Variants in CADM2 observed in about 807,000 individuals in gnomAD.
The protein encoded by CADM2 is immunoglobulin superfamily member 4D.
A neutral mutation model predicts 49.8 loss-of-function variants in CADM2; 12 were observed. That is an observed-to-expected ratio of 0.24 (90% confidence interval 0.15 to 0.39). CADM2 has a LOEUF of 0.39. Among genes scored for constraint, CADM2 ranks in the 10% least tolerant of loss-of-function variants. The pLI is 1.00. For synonymous variants in CADM2, 214 were observed against 175.4 expected (o/e 1.22, Z -1.74); for missense variants, 378 against 492.3 (o/e 0.77, Z 2.20).
chr3:85,619,730 A>T (rs562919813), intron 1 of CADM2, among the ~76,000 whole-genome samples: 1 of 152,034 alleles, frequency 6.6e-6, no homozygotes, highest in Non-Finnish European at 1.5e-5. Flanking sequence ...TCAAGAGGAG[A>T]CTCTTAAAAT....
chr3:85,979,039 A>G (rs748268363), intron 8 of CADM2: 6 of 1,028,496 alleles, frequency 5.8e-6, no homozygotes, highest in Non-Finnish European at 8.4e-6. Context: ...TTTGTACCTG[A>G]TATTCTGTTA....
intron 1 of CADM2, among the ~76,000 whole-genome samples, chr3:85,437,825 A>G (rs1030505359): frequency 6.6e-6 from 1 of 151,956 alleles, no homozygotes; most frequent in Non-Finnish European, 1.5e-5. Flanking sequence ...AACTCATAGA[A>G]ATCTTTCCTT....
chr3:85,931,908 TATTA>T (rs1442303801), intron 6 of CADM2, among the ~76,000 whole-genome samples: 6 of 151,232 alleles, frequency 4.0e-5, no homozygotes, highest in Admixed American at 2.0e-4. Flanking sequence ...ATTTTAAATT[TATTA>T]ATTATTAAAA....
At chr3:85,978,321 A>T (rs905788602) in intron 8 of CADM2, among the ~76,000 whole-genome samples, 3 of 151,426 alleles carry the variant, frequency 2.0e-5, no homozygotes, top group Non-Finnish European at 4.4e-5. Flanking sequence ...TCTGGGTTTT[A>T]TTTTTTCTGT....
intron 1 of CADM2, among the ~76,000 whole-genome samples, chr3:85,569,323 A>G (rs1317961500): frequency 6.7e-6 from 1 of 148,866 alleles, no homozygotes; most frequent in Non-Finnish European, 1.5e-5. Context: ...TGGTAAGACT[A>G]TCCTATATTA....
intron 1 of CADM2, among the ~76,000 whole-genome samples, chr3:85,583,210 T>C (rs2107305578): frequency 6.6e-6 from 1 of 152,266 alleles, no homozygotes; most frequent in Admixed American, 6.5e-5. Flanking sequence ...CTGAGATGTG[T>C]ATGGCTTTGT....
chr3:85,883,917 T>C (rs1268517724), intron 4 of CADM2, among the ~76,000 whole-genome samples: 1 of 152,210 alleles, frequency 6.6e-6, no homozygotes, highest in African/African-American at 2.4e-5. Flanking sequence ...GTGTATTTAG[T>C]GCATTTAAAT....
At chr3:85,080,461 T>C (rs1379257965) in intron 1 of CADM2, among the ~76,000 whole-genome samples, 1 of 152,038 alleles carries the variant, frequency 6.6e-6, no homozygotes, top group East Asian at 1.9e-4. Flanking sequence ...ATTCCTTCAA[T>C]TGTCATAGAC....
At chr3:85,428,858 T>A (rs1423857415) in intron 1 of CADM2, among the ~76,000 whole-genome samples, 1 of 151,552 alleles carries the variant, frequency 6.6e-6, no homozygotes, top group Non-Finnish European at 1.5e-5. Context: ...TTACTTAGGT[T>A]ATTGATAGTA....
At chr3:85,220,997 A>C (rs556496259) in intron 1 of CADM2, among the ~76,000 whole-genome samples, 1 of 152,298 alleles carries the variant, frequency 6.6e-6, no homozygotes, top group South Asian at 2.1e-4. Context: ...AGATGTCTTT[A>C]AGAGTGGATG....
intron 1 of CADM2, among the ~76,000 whole-genome samples, chr3:85,628,174 T>C (rs1292482067): frequency 1.3e-5 from 2 of 152,060 alleles, no homozygotes; most frequent in Non-Finnish European, 2.9e-5. Flanking sequence ...GAATAGTTTG[T>C]AACTTGGAAA....
chr3:85,013,482 A>T (rs138671064), intron 1 of CADM2, among the ~76,000 whole-genome samples: 1 of 152,046 alleles, frequency 6.6e-6, no homozygotes, highest in African/African-American at 2.4e-5. Flanking sequence ...GGAGAAATCA[A>T]ATCTTTAGAG....
At chr3:85,955,646 C>G (rs1723963275) in intron 7 of CADM2, among the ~76,000 whole-genome samples, 1 of 151,390 alleles carries the variant, frequency 6.6e-6, no homozygotes, top group South Asian at 2.1e-4. Flanking sequence ...AAGAATTTCA[C>G]TGAAAATTAG....
chr3:85,757,208 C>CA (rs2107886093), intron 2 of CADM2, among the ~76,000 whole-genome samples: 1 of 152,128 alleles, frequency 6.6e-6, no homozygotes, highest in South Asian at 2.1e-4. Flanking sequence ...TTAACATTTG[C>CA]AATGATATTA....
intron 1 of CADM2, among the ~76,000 whole-genome samples, chr3:85,310,024 A>T (rs566222636): frequency 6.6e-6 from 1 of 152,210 alleles, no homozygotes; most frequent in African/African-American, 2.4e-5. Context: ...AGCTAAATTT[A>T]ATGATTTTGG....
intron 1 of CADM2, among the ~76,000 whole-genome samples, chr3:85,098,850 G>C (rs1397806097): frequency 6.6e-6 from 1 of 152,176 alleles, no homozygotes; most frequent in African/African-American, 2.4e-5. Flanking sequence ...GAGCCATGCA[G>C]TTCAAACCTG....
intron 1 of CADM2, among the ~76,000 whole-genome samples, chr3:85,300,018 T>C (rs2044056112): frequency 6.6e-6 from 1 of 152,120 alleles, no homozygotes; most frequent in African/African-American, 2.4e-5. Context: ...CTAAAAATTG[T>C]TATTATTTAC....
chr3:85,102,826 C>T (rs1347517446), intron 1 of CADM2, among the ~76,000 whole-genome samples: 1 of 152,026 alleles, frequency 6.6e-6, no homozygotes, highest in Non-Finnish European at 1.5e-5. Flanking sequence ...CTGTACCTCC[C>T]ATAGTAGTAT....
At chr3:85,354,858 G>A (rs1043500188) in intron 1 of CADM2, among the ~76,000 whole-genome samples, 27 of 152,048 alleles carry the variant, frequency 1.8e-4, no homozygotes, top group African/African-American at 5.6e-4. Context: ...TATGCTGAGT[G>A]AGATGGCCAA....
Sources: allele counts gnomAD v4.1 joint callset (sites outside exome capture counted in the v4.1 genomes callset), GRCh38; gene constraint gnomAD v4.1.1; transcripts MANE v1.5; gene names NCBI Gene and HGNC (gene_info 2026-07-23, HGNC 2026-07-21).